Variants in HDAC9 observed in about 807,000 individuals in gnomAD.
HDAC9 encodes the protein histone deacetylase 9.
A neutral mutation model predicts 139.4 loss-of-function variants in HDAC9; 41 were observed. The ratio of observed to expected loss-of-function variants is 0.29; its 90% CI spans 0.23 to 0.38. The LOEUF (loss-of-function observed/expected upper bound fraction) is 0.38, where lower values mean the gene tolerates loss of function less well. HDAC9 is among the 10% of genes least tolerant of loss of function. The pLI is 1.00. For synonymous variants in HDAC9, 517 were observed against 476.2 expected (o/e 1.09, Z -1.12); for missense variants, 1,147 against 1,297.0 (o/e 0.88, Z 1.78).
At chr7:18,746,288 T>C (rs990029935) in intron 13 of HDAC9, among the ~76,000 whole-genome samples, 5 of 152,250 alleles carry the variant, frequency 3.3e-5, no homozygotes, top group African/African-American at 1.2e-4. Context: ...TCTTCTTATA[T>C]AGTAGTAACT....
At chr7:18,230,904 C>G (rs929229342) in intron 2 of HDAC9, among the ~76,000 whole-genome samples, 2 of 152,150 alleles carry the variant, frequency 1.3e-5, no homozygotes, top group African/African-American at 4.8e-5. Context: ...TCCAGGAAAG[C>G]AGAAGGATGT....
chr7:18,857,039 A>G (rs1797733418), intron 21 of HDAC9, among the ~76,000 whole-genome samples: 1 of 152,124 alleles, frequency 6.6e-6, no homozygotes, highest in African/African-American at 2.4e-5. Flanking sequence ...TCTTCAGTCC[A>G]GCTTTCAACT....
chr7:18,483,750 A>C (rs368593259), intron 1 of HDAC9, among the ~76,000 whole-genome samples: 1 of 152,168 alleles, frequency 6.6e-6, no homozygotes, highest in Admixed American at 6.5e-5. Flanking sequence ...TCTAAAACTG[A>C]TGCTACATTG....
At chr7:18,744,709 C>G (rs16872067) in intron 13 of HDAC9, among the ~76,000 whole-genome samples, 10,986 of 151,892 alleles carry the variant, frequency 0.072, 592 homozygotes, top group East Asian at 0.23. Context: ...TAAAAAATGA[C>G]AACTACATGC....
chr7:18,742,540 T>C (rs1179448160), intron 13 of HDAC9, among the ~76,000 whole-genome samples: 1 of 152,250 alleles, frequency 6.6e-6, no homozygotes, highest in East Asian at 1.9e-4. Context: ...TGCTTTATTG[T>C]GATATTTGCT....
At chr7:18,286,147 T>C (rs1014814666), upstream of HDAC9, among the ~76,000 whole-genome samples, 2 of 152,032 alleles carry the variant, frequency 1.3e-5, no homozygotes, top group African/African-American at 4.8e-5. Flanking sequence ...CTTGAACACA[T>C]ATTTAAGAAC....
chr7:18,399,287 C>T (rs887864618), intron 1 of HDAC9, among the ~76,000 whole-genome samples: 3 of 152,002 alleles, frequency 2.0e-5, no homozygotes, highest in East Asian at 1.9e-4. Flanking sequence ...CTGAAAAACC[C>T]ACCCTTCTGT....
At chr7:18,917,566 CAT>C (rs77703325) in intron 22 of HDAC9, among the ~76,000 whole-genome samples, 2,747 of 151,936 alleles carry the variant, frequency 0.018, 148 homozygotes, top group East Asian at 0.16. Context: ...GTAAGTTAGA[CAT>C]AGATGAGAGG....
chr7:18,301,936 A>G (rs1179229518), intron 1 of HDAC9, among the ~76,000 whole-genome samples: 2 of 152,190 alleles, frequency 1.3e-5, no homozygotes, highest in East Asian at 1.9e-4. Context: ...CTTCAGATCT[A>G]TTTATTTTTG....
chr7:18,853,003 G>A (rs1797415983), intron 21 of HDAC9, among the ~76,000 whole-genome samples: 1 of 152,058 alleles, frequency 6.6e-6, no homozygotes. Flanking sequence ...TTTACATGGG[G>A]AGCGCACACT....
intron 6 of HDAC9, among the ~76,000 whole-genome samples, chr7:18,612,701 A>C (rs527938404): frequency 6.6e-6 from 1 of 152,252 alleles, no homozygotes; most frequent in South Asian, 2.1e-4. Flanking sequence ...TAAATCAGAT[A>C]ATCCAGATAT....
At chr7:18,449,499 T>C (rs1792600142) in intron 1 of HDAC9, among the ~76,000 whole-genome samples, 1 of 152,138 alleles carries the variant, frequency 6.6e-6, no homozygotes, top group Admixed American at 6.5e-5. Flanking sequence ...AGTGCTGTTG[T>C]GGTGTTCAAA....
At chr7:18,559,974 T>A (rs1431429332) in intron 2 of HDAC9, among the ~76,000 whole-genome samples, 1 of 152,202 alleles carries the variant, frequency 6.6e-6, no homozygotes. Flanking sequence ...TTCACTTGAA[T>A]AGATAATACA....
intron 2 of HDAC9, among the ~76,000 whole-genome samples, chr7:18,217,186 TA>T (rs2128172749): frequency 6.6e-6 from 1 of 152,240 alleles, no homozygotes; most frequent in African/African-American, 2.4e-5. Context: ...ATTGAACTAT[TA>T]AAATTCATTC....
intron 2 of HDAC9, among the ~76,000 whole-genome samples, chr7:18,216,097 C>G (rs1792287406): frequency 1.4e-5 from 2 of 138,024 alleles, no homozygotes; most frequent in Admixed American, 7.2e-5. Context: ...TATGTGTGTG[C>G]CTGCGTGTCT....
chr7:18,273,720 A>G (rs942506169), intron 2 of HDAC9, among the ~76,000 whole-genome samples: 2 of 152,212 alleles, frequency 1.3e-5, no homozygotes, highest in African/African-American at 4.8e-5. Flanking sequence ...AATGATGAAC[A>G]TTAAATATAA....
At chr7:18,187,546 T>C (rs1790009665) in intron 2 of HDAC9, among the ~76,000 whole-genome samples, 1 of 152,190 alleles carries the variant, frequency 6.6e-6, no homozygotes, top group Non-Finnish European at 1.5e-5. Context: ...AACTCTTAAC[T>C]CTATTCCCCT....
chr7:18,754,846 T>G (rs1788743697), intron 14 of HDAC9, among the ~76,000 whole-genome samples: 1 of 152,114 alleles, frequency 6.6e-6, no homozygotes, highest in Admixed American at 6.6e-5. Context: ...TACCTCTTTG[T>G]TTTAAATCAA....
Position 18,860,145 on chromosome 7 carries a change from A to G in HDAC9, c.2685-14333A>G, listed in dbSNP as rs576662087. On this transcript the variant is annotated intron_variant, in intron 21 of 25. Coordinates refer to ENST00000686413, the MANE Select transcript of HDAC9 (RefSeq NM_178425.4). ...TAATCTCTTTAGGGATTTTTTGGAT[A>G]AAGAAAGTAATAACAAAAAATAGGC... Among the ~76,000 whole-genome samples the G allele has an allele frequency of 3.4e-3, 518 of 151,930 alleles. 1 individual carries two copies. Among genetic ancestry groups the G allele is most frequent in the South Asian group, 0.011 (55 of 4,802 alleles).
Sources: allele counts gnomAD v4.1 joint callset (sites outside exome capture counted in the v4.1 genomes callset), GRCh38; gene constraint gnomAD v4.1.1; transcripts MANE v1.5; gene names NCBI Gene and HGNC (gene_info 2026-07-23, HGNC 2026-07-21).